Variants in ELAC1 observed in about 807,000 individuals in gnomAD.
ELAC1 encodes the protein elaC ribonuclease Z 1.
In ELAC1, 19 loss-of-function variants were observed where a neutral mutation model predicts 25.8. The ratio of observed to expected loss-of-function variants is 0.74; its 90% CI spans 0.51 to 1.08. The LOEUF (loss-of-function observed/expected upper bound fraction) is 1.08. Among genes scored for constraint, ELAC1 ranks in the 50% least tolerant of loss-of-function variants. The probability of loss-of-function intolerance (pLI) is 0.00; values close to 1 mark genes in which losing one functional copy is unlikely to be tolerated. For synonymous variants in ELAC1, 148 were observed against 160.9 expected (o/e 0.92, Z 0.61); for missense variants, 403 against 434.6 (o/e 0.93, Z 0.65).
intron 2 of ELAC1, among the ~76,000 whole-genome samples, chr18:50,979,690 A>G (rs1485643762): frequency 3.9e-5 from 6 of 152,130 alleles, no homozygotes; most frequent in African/African-American, 1.4e-4. Flanking sequence ...AGTATCCACC[A>G]CAAGTATATT....
At chr18:50,974,968 A>G (rs1372288964) in intron 2 of ELAC1, among the ~76,000 whole-genome samples, 2 of 152,150 alleles carry the variant, frequency 1.3e-5, no homozygotes, top group Non-Finnish European at 2.9e-5. Flanking sequence ...TGGGGTTATC[A>G]GGGTAAACTT....
chr18:50,974,331 A>T, intron 1 of ELAC1, 66 bp from the exon 2 acceptor site: 1 of 1,400,220 alleles, frequency 7.1e-7, no homozygotes, highest in Non-Finnish European at 9.6e-7. Context: ...ATAGAGATAA[A>T]TATTACAGGA....
chr18:50,969,050 A>G (rs940873430), intron 1 of ELAC1: 1 of 152,228 alleles, frequency 6.6e-6, no homozygotes, highest in Admixed American at 6.5e-5. Flanking sequence ...ATAAAACACA[A>G]TAACACCTTT....
At chr18:50,971,927 T>TAC (rs1387180007) in intron 1 of ELAC1, among the ~76,000 whole-genome samples, 1 of 145,746 alleles carries the variant, frequency 6.9e-6, no homozygotes, top group African/African-American at 2.5e-5. Context: ...TATATATATA[T>TAC]ATATATATAT....
intron 2 of ELAC1, among the ~76,000 whole-genome samples, chr18:50,978,375 C>G (rs1044790658): frequency 2.6e-5 from 4 of 152,038 alleles, no homozygotes; most frequent in African/African-American, 9.7e-5. Context: ...ATCGCAGTTC[C>G]GCAAGGCTGG....
intron 2 of ELAC1, among the ~76,000 whole-genome samples, chr18:50,979,564 G>A (rs1907886336): frequency 6.6e-6 from 1 of 152,094 alleles, no homozygotes; most frequent in East Asian, 1.9e-4. Flanking sequence ...TAATCGCATT[G>A]CATTCTTGTG....
At position 50,986,801 on chromosome 18, in the gene ELAC1, G is replaced by A. The variant is rs1460580590; in HGVS notation, c.808G>A (p.Asp270Asn). The A allele has an allele frequency of 1.2e-6, 2 of 1,614,164 alleles. No individual in the cohort carries two copies. The highest frequency in any genetic ancestry group is 8.5e-7 in the Non-Finnish European group (1 of 1,180,034). ...AGGAGTAAAACTGTGCTTTGAAGCA[G>A]ACCTGTTGATCCACGAAGCAACCCT... ...DGGVKLCFEA[D>N]LLIHEATLDD... The change falls in exon 4 of 4, where the codon GAC (aspartate) becomes AAC (asparagine). Residue 270 changes from aspartate (D) to asparagine (N), a missense_variant. Transcript: ENST00000269466.
chr18:50,980,694 C>T (rs1342963883), intron 2 of ELAC1, among the ~76,000 whole-genome samples: 2 of 138,194 alleles, frequency 1.4e-5, no homozygotes, highest in Admixed American at 8.0e-5. Flanking sequence ...ACCCAGGAGG[C>T]GGAGGTTGTG....
At chr18:50,968,769 C>T (rs1250853262) in intron 1 of ELAC1, 7 of 152,224 alleles carry the variant, frequency 4.6e-5, no homozygotes, top group East Asian at 1.9e-4. Flanking sequence ...GGTTTGCTCG[C>T]ATTTAATTCC....
At chr18:50,977,758 T>G (rs79943995) in intron 2 of ELAC1, among the ~76,000 whole-genome samples, 1 of 152,226 alleles carries the variant, frequency 6.6e-6, no homozygotes, top group Non-Finnish European at 1.5e-5. Flanking sequence ...AGGATGCAAA[T>G]TTTCTGAACT....
At chr18:50,976,519 C>G (rs868309329) in intron 2 of ELAC1, among the ~76,000 whole-genome samples, 1 of 152,124 alleles carries the variant, frequency 6.6e-6, no homozygotes, top group Non-Finnish European at 1.5e-5. Context: ...TATTCACTGT[C>G]GTGAGAACAG....
At chr18:50,975,642 C>A (rs557945272) in intron 2 of ELAC1, among the ~76,000 whole-genome samples, 1 of 151,842 alleles carries the variant, frequency 6.6e-6, no homozygotes, top group African/African-American at 2.4e-5. Flanking sequence ...CTTATTAGGT[C>A]TTGATAAATA....
Position 50,987,844 on chromosome 18 carries a change from C to T in ELAC1, c.*759C>T, listed in dbSNP as rs1021581059. On this transcript the variant is annotated 3_prime_UTR_variant, in exon 4 of 4. Transcript: ENST00000269466. ...TATACAATAAAGAATCATCTCACCC[C>T]GAAATGCAAATTGCAGGCCCATTGA... is the stretch of plus-strand genomic sequence containing the variant. 9.2e-5 allele frequency: 14 copies of T among 152,068 alleles called. No individual in the cohort carries two copies. Among genetic ancestry groups the T allele is most frequent in the Admixed American group, 5.9e-4 (9 of 15,264 alleles). The allele number at this position is 152,068 out of a possible 1,614,324, so 9.4% of individuals were successfully genotyped here. A position where few individuals can be genotyped will look rare whatever the true frequency, so the allele number is the denominator to read the frequency against.
intron 1 of ELAC1, chr18:50,968,780 T>A (rs1382270791): frequency 1.3e-5 from 2 of 152,224 alleles, no homozygotes; most frequent in Non-Finnish European, 2.9e-5. Flanking sequence ...ATTTAATTCC[T>A]AGTGCCTAGA....
chr18:50,975,485 T>C (rs796271528), intron 2 of ELAC1, among the ~76,000 whole-genome samples: 5 of 151,582 alleles, frequency 3.3e-5, no homozygotes, highest in African/African-American at 1.2e-4. Flanking sequence ...CTCCCTATAC[T>C]GTAAAGTACG....
chr18:50,973,680 T>C (rs1383541369), intron 1 of ELAC1, among the ~76,000 whole-genome samples: 1 of 152,166 alleles, frequency 6.6e-6, no homozygotes, highest in Non-Finnish European at 1.5e-5. Flanking sequence ...ACTAGAGTTG[T>C]TGTTGTTTAG....
chr18:50,969,637 A>G (rs916246527), intron 1 of ELAC1: 1 of 152,246 alleles, frequency 6.6e-6, no homozygotes, highest in African/African-American at 2.4e-5. Context: ...TCAGAAAGAG[A>G]GACAGCTAGA....
intron 2 of ELAC1, among the ~76,000 whole-genome samples, chr18:50,980,331 A>T (rs1417445784): frequency 2.0e-5 from 3 of 151,990 alleles, no homozygotes. Context: ...AATAAACATA[A>T]ATGCATGCAT....
Position 50,985,046 on chromosome 18 carries a change from G to A in ELAC1, c.625+483G>A, listed in dbSNP as rs532347994. Among the ~76,000 whole-genome samples the A allele has an allele frequency of 4.6e-5, 7 of 152,170 alleles. No individual in the cohort carries two copies. The South Asian group carries it at 1.0e-3, about 23-fold the overall frequency. ...TTGCTTATTAAGGAAAATCCATGGG[G>A]CCAAAAAATGCTATTTAGAGCAAAA... On this transcript the variant is annotated intron_variant, in intron 3 of 3. Transcript: ENST00000269466.
Sources: gnomAD v4.1 joint callset for allele counts (sites outside exome capture counted in the v4.1 genomes callset) on GRCh38, gnomAD v4.1.1 for gene constraint, MANE v1.5 for transcripts, NCBI Gene and HGNC (gene_info 2026-07-23, HGNC 2026-07-21) for gene names.